The following PTPRN2 variants were observed in gnomAD, a reference collection of about 807,000 sequenced individuals.
The protein encoded by PTPRN2 is protein tyrosine phosphatase receptor type N2.
Under a neutral mutation model 118.8 loss-of-function variants are expected in PTPRN2, and 74 were observed. The observed-to-expected ratio is 0.62, with a 90% CI of 0.52 to 0.76. The LOEUF is 0.76. PTPRN2 is among the 30% of genes least tolerant of loss of function. PTPRN2 has a pLI of 0.00. For missense variants in PTPRN2, 1,481 were observed against 1,394.4 expected (o/e 1.06, Z -0.99); for synonymous variants, 641 against 608.0 (o/e 1.05, Z -0.80).
Position 157,615,110 on chromosome 7 carries a change from T to C in PTPRN2, c.2344+6252A>G, listed in dbSNP as rs1271049831. Among the ~76,000 whole-genome samples, 1 of 152,180 alleles carries C rather than the reference T, an allele frequency of 6.6e-6. No individual in the cohort carries two copies. The highest frequency in any genetic ancestry group is 1.5e-5 in the Non-Finnish European group (1 of 68,036). ...TGAAGTCGTCCAGCCAGAAAATAAA[T>C]GAAGTGCTCGCAGGTCACGCTAATA... On this transcript the variant is annotated intron_variant, in intron 15 of 22. Coordinates refer to ENST00000389418, the MANE Select transcript of PTPRN2 (RefSeq NM_002847.5). The surrounding 1 kb of genome is among the most constrained non-coding windows in gnomAD (Gnocchi z 4.3).
At chr7:158,055,904 C>A (rs1448824346) in intron 11 of PTPRN2, among the ~76,000 whole-genome samples, 1 of 152,126 alleles carries the variant, frequency 6.6e-6, no homozygotes, top group East Asian at 1.9e-4. Flanking sequence ...TTTCTATGAT[C>A]TCTCGTCTCC....
intron 2 of PTPRN2, among the ~76,000 whole-genome samples, chr7:158,349,780 C>CT (rs1322203019): frequency 8.5e-4 from 103 of 121,678 alleles, no homozygotes; most frequent in African/African-American, 2.1e-3. Context: ...CGTCACTGCA[C>CT]CCCTGGGTGG....
intron 3 of PTPRN2, among the ~76,000 whole-genome samples, chr7:158,302,939 G>A (rs1800999641): frequency 6.6e-6 from 1 of 152,148 alleles, no homozygotes; most frequent in Admixed American, 6.5e-5. Context: ...GAATCCAAGT[G>A]TTTTCTGTTA....
intron 21 of PTPRN2, among the ~76,000 whole-genome samples, chr7:157,556,423 GCA>G (rs1384968748): frequency 3.6e-5 from 5 of 137,348 alleles, no homozygotes; most frequent in African/African-American, 1.1e-4. Flanking sequence ...ATACGCACAT[GCA>G]CACACACACA....
chr7:157,889,425 C>T (rs28833214), intron 12 of PTPRN2, among the ~76,000 whole-genome samples: 4,094 of 152,294 alleles, frequency 0.027, 167 homozygotes, highest in African/African-American at 0.089. Context: ...TTTATGGTTT[C>T]GACCCAACAA....
chr7:158,418,601 C>T (rs948603359), intron 2 of PTPRN2, among the ~76,000 whole-genome samples: 1 of 144,604 alleles, frequency 6.9e-6, no homozygotes, highest in Non-Finnish European at 1.5e-5. Context: ...GATGCTGTAG[C>T]TCTCCGTGTC....
intron 9 of PTPRN2, among the ~76,000 whole-genome samples, chr7:158,119,285 T>C (rs1244542721): frequency 6.6e-6 from 1 of 152,178 alleles, no homozygotes; most frequent in Non-Finnish European, 1.5e-5. Context: ...TCAACATCAC[T>C]AATCATTAGG....
At chr7:157,935,283 C>A (rs1416818726) in intron 11 of PTPRN2, among the ~76,000 whole-genome samples, 1 of 152,104 alleles carries the variant, frequency 6.6e-6, no homozygotes, top group Non-Finnish European at 1.5e-5. Context: ...GTGGGTCAGA[C>A]CACTTGACTT....
At chr7:158,309,761 T>C (rs145889089) in intron 3 of PTPRN2, among the ~76,000 whole-genome samples, 128 of 152,254 alleles carry the variant, frequency 8.4e-4, no homozygotes, top group Middle Eastern at 3.4e-3. Flanking sequence ...AACTAACCAA[T>C]GAGATACACT....
At chr7:157,817,278 GTC>G (rs1484211854) in intron 12 of PTPRN2, among the ~76,000 whole-genome samples, 1 of 152,192 alleles carries the variant, frequency 6.6e-6, no homozygotes, top group African/African-American at 2.4e-5. Context: ...TGCGCTGGGG[GTC>G]TGTGTGTCTT....
chr7:158,327,370 CACACATT>C (rs1455590258), intron 2 of PTPRN2, among the ~76,000 whole-genome samples: 6 of 130,202 alleles, frequency 4.6e-5, no homozygotes, highest in Non-Finnish European at 1.0e-4. Context: ...CATTGTCACA[CACACATT>C]ATCACATGCA....
intron 2 of PTPRN2, among the ~76,000 whole-genome samples, chr7:158,354,947 A>G (rs1344996172): frequency 6.6e-6 from 1 of 152,146 alleles, no homozygotes; most frequent in East Asian, 1.9e-4. Flanking sequence ...AGGAGCTCCA[A>G]TTTGTTTGTC....
At chr7:158,421,217 T>C (rs1440489990) in intron 2 of PTPRN2, among the ~76,000 whole-genome samples, 1 of 152,144 alleles carries the variant, frequency 6.6e-6, no homozygotes, top group Non-Finnish European at 1.5e-5. Context: ...CCTGCACAGC[T>C]CTCAGGCCTT....
chr7:157,598,534 G>A lies in PTPRN2; in HGVS notation c.2419-3219C>T, dbSNP rs1030029877. 6.8e-6 allele frequency among the ~76,000 whole-genome samples: 1 copy of A among 147,998 alleles called. No individual in the cohort carries two copies. The highest frequency in any genetic ancestry group is 6.6e-5 in the Admixed American group (1 of 15,138). ...CCTCAGTCTCCATATCTGTATGGTG[G>A]GTGAGCTCAGGGAGTGAGGAGCTTG... On this transcript the variant is annotated intron_variant, in intron 16 of 22. Coordinates refer to ENST00000389418, the MANE Select transcript of PTPRN2 (RefSeq NM_002847.5). This position sits in a 1 kb window ranked among gnomAD's most constrained non-coding sequence, Gnocchi z 5.2.
intron 2 of PTPRN2, among the ~76,000 whole-genome samples, chr7:158,388,012 A>C (rs559611080): frequency 1.3e-5 from 2 of 152,132 alleles, no homozygotes; most frequent in South Asian, 2.1e-4. Context: ...ATTTATACAC[A>C]CATACAAACC....
Position 157,935,663 on chromosome 7 carries a change from T to C in PTPRN2, c.1724-36926A>G, listed in dbSNP as rs539301980. Among the ~76,000 whole-genome samples, 9 of 152,380 alleles carry C rather than the reference T, an allele frequency of 5.9e-5. No individual in the cohort carries two copies. The South Asian group carries it at 1.9e-3, about 32-fold the overall frequency. On this transcript the variant is annotated intron_variant, in intron 11 of 22. Coordinates refer to ENST00000389418, the MANE Select transcript of PTPRN2 (RefSeq NM_002847.5). ...GGTCCTAATGTCCTGTTTCTTAACA[T>C]GTTTAGCAATTTTGGACTGCAAGAT...
intron 14 of PTPRN2, among the ~76,000 whole-genome samples, chr7:157,644,473 CCCAGGAG>C (rs890160366): frequency 2.0e-5 from 3 of 152,212 alleles, no homozygotes; most frequent in Admixed American, 6.5e-5. Context: ...ATACGCCTCT[CCCAGGAG>C]CCCCATTCTT....
chr7:158,153,163 G>GCCCAGGC (rs1199603006), intron 6 of PTPRN2, among the ~76,000 whole-genome samples: 1 of 152,176 alleles, frequency 6.6e-6, no homozygotes, highest in Non-Finnish European at 1.5e-5. Context: ...TCTGAGGAGA[G>GCCCAGGC]CCCAGGCCAT....
At chr7:158,057,477 G>A (rs999003458) in intron 11 of PTPRN2, among the ~76,000 whole-genome samples, 3 of 152,168 alleles carry the variant, frequency 2.0e-5, no homozygotes, top group Non-Finnish European at 2.9e-5. Context: ...AGGTACACCC[G>A]AGGAATAGCC....
Sources: allele counts gnomAD v4.1 joint callset (sites outside exome capture counted in the v4.1 genomes callset), GRCh38; gene constraint gnomAD v4.1.1; non-coding constraint Gnocchi (gnomAD v3.1); transcripts MANE v1.5; gene names NCBI Gene and HGNC (gene_info 2026-07-23, HGNC 2026-07-21).